Variants in NUDC observed in about 807,000 individuals in gnomAD.
NUDC encodes nuclear migration protein nudC.
NUDC carries 14 observed loss-of-function variants against 45.0 expected under a neutral mutation model. The ratio of observed to expected loss-of-function variants is 0.31; its 90% CI spans 0.21 to 0.49. NUDC has a LOEUF of 0.49. NUDC is among the 20% of genes least tolerant of loss of function. NUDC has a pLI of 0.99. For missense variants in NUDC, 323 were observed against 426.2 expected (o/e 0.76, Z 2.13); for synonymous variants, 153 against 156.7 (o/e 0.98, Z 0.17).
At chr1:26,933,885 T>C (rs917778547) in intron 2 of NUDC, among the ~76,000 whole-genome samples, 3 of 152,138 alleles carry the variant, frequency 2.0e-5, no homozygotes, top group Non-Finnish European at 2.9e-5. Context: ...CTGGGCACGG[T>C]GGCTCACGCC....
intron 2 of NUDC, among the ~76,000 whole-genome samples, chr1:26,937,221 A>G (rs1444138460): frequency 6.6e-6 from 1 of 152,090 alleles, no homozygotes; most frequent in Admixed American, 6.6e-5. Context: ...CCCTCCCGAC[A>G]CCTTGATGTG....
chr1:26,943,359 C>T (rs761261750), intron 6 of NUDC, among the ~76,000 whole-genome samples: 2 of 152,092 alleles, frequency 1.3e-5, no homozygotes, highest in Non-Finnish European at 1.5e-5. Flanking sequence ...AGGTGTACAC[C>T]ACCACGCTCG....
chr1:26,935,964 CA>C (rs1263421898), intron 2 of NUDC, among the ~76,000 whole-genome samples: 23 of 138,368 alleles, frequency 1.7e-4, no homozygotes, highest in Admixed American at 2.9e-4. Context: ...TCCATCTCTA[CA>C]AAAAAAAAAT....
At chr1:26,936,165 ATTTTTTTTTTTTTTTTTTTTTTTTT>A (rs869056480) in intron 2 of NUDC, among the ~76,000 whole-genome samples, 1 of 10,498 alleles carries the variant, frequency 9.5e-5, no homozygotes. Flanking sequence ...ATATATATAT[ATTTTTTTTTTTTTTTTTTTTTTTTT>A]TTTTTTTTTT....
exon 2 of NUDC, chr1:26,902,325 C>T (rs1460388626): frequency 6.6e-6 from 1 of 152,262 alleles, no homozygotes; most frequent in Non-Finnish European, 1.5e-5. Context: ...CAGCGCACAT[C>T]TCCTCCTTAA....
chr1:26,934,736 T>TG (rs1170021528), intron 2 of NUDC, among the ~76,000 whole-genome samples: 1 of 151,004 alleles, frequency 6.6e-6, no homozygotes, highest in African/African-American at 2.4e-5. Flanking sequence ...CTGGGCTCAC[T>TG]GCAAGCTCCG....
intron 2 of NUDC, among the ~76,000 whole-genome samples, chr1:26,909,019 A>G (rs1341830871): frequency 1.0e-4 from 15 of 145,612 alleles, no homozygotes; most frequent in East Asian, 6.2e-4. Context: ...CTGTCGCCCA[A>G]GCTGGAGTGC....
intron 3 of NUDC, chr1:26,913,892 G>A (rs773602796): frequency 2.0e-5 from 30 of 1,486,306 alleles, no homozygotes; most frequent in Non-Finnish European, 2.4e-5. Context: ...ATGGCGGGGC[G>A]GCTTGCAGCT....
chr1:26,943,404 C>CG (rs61523966), intron 6 of NUDC, among the ~76,000 whole-genome samples: 6,225 of 151,932 alleles, frequency 0.041, 395 homozygotes, highest in African/African-American at 0.14. Flanking sequence ...TTGTAGAGAC[C>CG]GGGGGGTCTC....
At position 26,921,829 on chromosome 1, in the gene NUDC, C is replaced by T. The variant is rs534326295; in HGVS notation, c.-20C>T. 2.6e-6 allele frequency: 4 copies of T among 1,549,692 alleles called. No individual in the cohort carries two copies. The highest frequency in any genetic ancestry group is 2.7e-5 in the African/African-American group (2 of 73,140). On this transcript the variant is annotated 5_prime_UTR_variant, in exon 1 of 9. The change creates a new upstream start codon in the 5' untranslated region. Transcript: ENST00000321265. ...GGGACTAGAGTGCAGAGCTCCGGGACGTGGATCGGAGCCGGCGCGATGGGC... is the reference window on the plus strand; with the variant it reads ...GGGACTAGAGTGCAGAGCTCCGGGATGTGGATCGGAGCCGGCGCGATGGGC...
exon 2 of NUDC, chr1:26,902,288 G>C (rs541037640): frequency 8.5e-5 from 13 of 152,270 alleles, no homozygotes; most frequent in African/African-American, 2.9e-4. Flanking sequence ...CCAGCTTCCC[G>C]AACTTTGGCT....
At chr1:26,945,181 C>T (rs1213996642) in intron 6 of NUDC, 8 of 615,328 alleles carry the variant, frequency 1.3e-5, no homozygotes, top group East Asian at 2.8e-5. Context: ...TTCTTCTTTC[C>T]CTTATCACAC....
chr1:26,930,622 A>G (rs1179509018), intron 2 of NUDC, among the ~76,000 whole-genome samples: 1 of 151,268 alleles, frequency 6.6e-6, no homozygotes, highest in Non-Finnish European at 1.5e-5. Flanking sequence ...AGGTGGGAGG[A>G]TCTCTGGAGC....
chr1:26,940,328 T>C (rs2124134822), intron 2 of NUDC, among the ~76,000 whole-genome samples: 1 of 151,868 alleles, frequency 6.6e-6, no homozygotes, highest in African/African-American at 2.4e-5. Context: ...AATACAAAAT[T>C]AGCCAGGCGT....
exon 1 of NUDC, chr1:26,900,377 GGAGGGGA>G (rs1557662276): frequency 6.2e-7 from 1 of 1,614,032 alleles, no homozygotes. Flanking sequence ...AGCGCAACAC[GGAGGGGA>G]TACCGCTCAC....
chr1:26,934,662 G>GTTT (rs757796116), intron 2 of NUDC, among the ~76,000 whole-genome samples: 13 of 142,718 alleles, frequency 9.1e-5, no homozygotes, highest in African/African-American at 2.8e-4. Context: ...AAGGACAGAG[G>GTTT]TTTTTTTTTT....
intron 4 of NUDC, 22 bp from the exon 5 acceptor site, chr1:26,942,638 G>A: frequency 6.2e-7 from 1 of 1,613,670 alleles, no homozygotes; most frequent in Non-Finnish European, 8.5e-7. Context: ...GTAAGTAGCT[G>A]AGTGTCCCTG....
chr1:26,930,173 T>C (rs113352126), intron 2 of NUDC, among the ~76,000 whole-genome samples: 1 of 152,122 alleles, frequency 6.6e-6, no homozygotes, highest in Admixed American at 6.5e-5. Flanking sequence ...CTATTGTGTT[T>C]TGTTTTGTTT....
chr1:26,915,574 G>T (rs2124077965), intron 3 of NUDC, among the ~76,000 whole-genome samples: 1 of 152,254 alleles, frequency 6.6e-6, no homozygotes, highest in African/African-American at 2.4e-5. Flanking sequence ...GGGAGAGAGA[G>T]GCTCTGGCAT....
Sources: gnomAD v4.1 joint callset for allele counts (sites outside exome capture counted in the v4.1 genomes callset) on GRCh38, gnomAD v4.1.1 for gene constraint, MANE v1.5 for transcripts, NCBI Gene and HGNC (gene_info 2026-07-23, HGNC 2026-07-21) for gene names.